The following PTPRD variants were observed in gnomAD, a reference collection of about 807,000 sequenced individuals.
PTPRD encodes receptor-type tyrosine-protein phosphatase delta.
Under a neutral mutation model 214.5 loss-of-function variants are expected in PTPRD, and 34 were observed. The observed-to-expected ratio is 0.16, with a 90% CI of 0.12 to 0.21. The LOEUF (loss-of-function observed/expected upper bound fraction) is 0.21. Ranked by LOEUF, PTPRD falls within the 10% of genes least tolerant of loss-of-function variation. The probability of loss-of-function intolerance (pLI) is 1.00; values close to 1 mark genes in which losing one functional copy is unlikely to be tolerated. For synonymous variants in PTPRD, 1,128 were observed against 845.7 expected (o/e 1.33, Z -5.79); for missense variants, 2,545 against 2,398.7 (o/e 1.06, Z -1.27).
chr9:10,145,137 C>T (rs1037041253), intron 3 of PTPRD, among the ~76,000 whole-genome samples: 4 of 152,094 alleles, frequency 2.6e-5, no homozygotes, highest in African/African-American at 7.2e-5. Flanking sequence ...GTTTAGATTA[C>T]ATTTTAATAA....
chr9:10,174,246 G>T (rs990201930), intron 3 of PTPRD, among the ~76,000 whole-genome samples: 1 of 152,142 alleles, frequency 6.6e-6, no homozygotes, highest in African/African-American at 2.4e-5. Context: ...TTTGGGTCCT[G>T]GGGGAGGATA....
intron 4 of PTPRD, among the ~76,000 whole-genome samples, chr9:9,969,014 G>C (rs892218228): frequency 6.6e-6 from 1 of 152,120 alleles, no homozygotes; most frequent in Non-Finnish European, 1.5e-5. Context: ...AGTTTAGTAG[G>C]AGAGAGTCCA....
At chr9:9,538,612 A>C (rs947940661) in intron 8 of PTPRD, among the ~76,000 whole-genome samples, 19 of 152,066 alleles carry the variant, frequency 1.2e-4, no homozygotes, top group African/African-American at 4.3e-4. Flanking sequence ...AGAATCTGGA[A>C]TCAGCAAATG....
chr9:9,073,992 G>C (rs2099747446), intron 10 of PTPRD, among the ~76,000 whole-genome samples: 1 of 151,944 alleles, frequency 6.6e-6, no homozygotes, highest in Non-Finnish European at 1.5e-5. Context: ...CAGAAAAGTG[G>C]GAATTATGTG....
intron 10 of PTPRD, among the ~76,000 whole-genome samples, chr9:9,112,050 T>G (rs1022862696): frequency 2.6e-5 from 4 of 152,138 alleles, no homozygotes; most frequent in Non-Finnish European, 5.9e-5. Flanking sequence ...TGCTGTAACC[T>G]CCTCTGCTTT....
At chr9:9,426,574 G>T (rs149975862) in intron 8 of PTPRD, among the ~76,000 whole-genome samples, 1 of 152,118 alleles carries the variant, frequency 6.6e-6, no homozygotes, top group African/African-American at 2.4e-5. Flanking sequence ...CTCCCAGCAC[G>T]GAGTTTGAGA....
intron 5 of PTPRD, among the ~76,000 whole-genome samples, chr9:9,873,783 C>T (rs2066110032): frequency 6.6e-6 from 1 of 152,018 alleles, no homozygotes; most frequent in African/African-American, 2.4e-5. Flanking sequence ...TTCTGAGTAT[C>T]CCCATAGCAG....
At chr9:9,841,150 A>G (rs2058237231) in intron 5 of PTPRD, among the ~76,000 whole-genome samples, 1 of 152,212 alleles carries the variant, frequency 6.6e-6, no homozygotes, top group South Asian at 2.1e-4. Flanking sequence ...ATTTACCAGT[A>G]AAAATATCTA....
chr9:9,103,988 A>G (rs1300115053), intron 10 of PTPRD, among the ~76,000 whole-genome samples: 1 of 152,178 alleles, frequency 6.6e-6, no homozygotes, highest in Non-Finnish European at 1.5e-5. Flanking sequence ...GTCTCAAAAA[A>G]TTAATAAATA....
chr9:9,926,558 G>T (rs1040676786), intron 5 of PTPRD, among the ~76,000 whole-genome samples: 1 of 152,044 alleles, frequency 6.6e-6, no homozygotes, highest in Non-Finnish European at 1.5e-5. Flanking sequence ...CAAACTCTAT[G>T]ATTTAAAATT....
intron 22 of PTPRD, among the ~76,000 whole-genome samples, chr9:8,505,620 G>C (rs2097527633): frequency 1.0e-5 from 1 of 96,802 alleles, no homozygotes; most frequent in Non-Finnish European, 1.8e-5. Context: ...AGGAGACTCT[G>C]TCTCAAAAAA....
chr9:8,946,281 T>C (rs758555580), intron 11 of PTPRD, among the ~76,000 whole-genome samples: 1 of 152,168 alleles, frequency 6.6e-6, no homozygotes, highest in Non-Finnish European at 1.5e-5. Context: ...GTAGTCATCA[T>C]GGCTTGAGAT....
At chr9:8,993,809 T>C (rs1446203982) in intron 11 of PTPRD, among the ~76,000 whole-genome samples, 1 of 152,124 alleles carries the variant, frequency 6.6e-6, no homozygotes, top group Non-Finnish European at 1.5e-5. Flanking sequence ...ATTAAGCACC[T>C]GTTATTACAC....
chr9:8,324,036 A>G (rs1257188192), intron 44 of PTPRD, among the ~76,000 whole-genome samples: 3 of 152,150 alleles, frequency 2.0e-5, no homozygotes, highest in Non-Finnish European at 1.5e-5. Context: ...AGCCATCAAA[A>G]TAGAGGCAAG....
intron 11 of PTPRD, among the ~76,000 whole-genome samples, chr9:8,796,849 G>A (rs984062577): frequency 2.0e-5 from 3 of 151,884 alleles, no homozygotes; most frequent in Non-Finnish European, 2.9e-5. Context: ...CTCAAACATC[G>A]CCTAGAACTT....
intron 11 of PTPRD, among the ~76,000 whole-genome samples, chr9:9,010,056 T>G (rs2099502152): frequency 6.6e-6 from 1 of 152,130 alleles, no homozygotes; most frequent in South Asian, 2.1e-4. Flanking sequence ...AGGAGTTGCC[T>G]TAGGGGAAAC....
At chr9:8,901,590 A>G (rs1481125845) in intron 11 of PTPRD, among the ~76,000 whole-genome samples, 1 of 152,212 alleles carries the variant, frequency 6.6e-6, no homozygotes, top group Non-Finnish European at 1.5e-5. Flanking sequence ...GCAGTAAAGT[A>G]GTGACAGAGC....
At chr9:9,772,435 G>A (rs912548405) in intron 5 of PTPRD, among the ~76,000 whole-genome samples, 8 of 152,020 alleles carry the variant, frequency 5.3e-5, no homozygotes, top group Non-Finnish European at 7.4e-5. Flanking sequence ...AATATGCGAC[G>A]GGTAAATTTT....
intron 2 of PTPRD, among the ~76,000 whole-genome samples, chr9:10,401,454 T>C (rs1052497950): frequency 6.6e-6 from 1 of 151,010 alleles, no homozygotes; most frequent in South Asian, 2.1e-4. Context: ...ATAAAATTGG[T>C]TCCTATGGCA....
Sources: gnomAD v4.1 joint callset for allele counts (sites outside exome capture counted in the v4.1 genomes callset) on GRCh38, gnomAD v4.1.1 for gene constraint, MANE v1.5 for transcripts, NCBI Gene and HGNC (gene_info 2026-07-23, HGNC 2026-07-21) for gene names.